The following FRMD5 variants were observed in gnomAD, a reference collection of about 807,000 sequenced individuals.
FRMD5 encodes the protein FERM domain-containing protein 5.
FRMD5 carries 20 observed loss-of-function variants against 69.0 expected under a neutral mutation model. That is an observed-to-expected ratio of 0.29 (90% CI 0.20 to 0.42). FRMD5 has a LOEUF of 0.42. Ranked by LOEUF, FRMD5 falls within the 10% of genes least tolerant of loss-of-function variation. FRMD5 has a pLI of 1.00. For synonymous variants in FRMD5, 271 were observed against 260.1 expected, an observed-to-expected ratio of 1.04 and a Z score of -0.40; for missense variants, 595 against 708.6, an observed-to-expected ratio of 0.84 and a Z score of 1.82.
intron 10 of FRMD5, among the ~76,000 whole-genome samples, chr15:43,886,858 C>A (rs1209290167): frequency 1.3e-5 from 2 of 152,152 alleles, no homozygotes; most frequent in Non-Finnish European, 2.9e-5. Context: ...ACTTGACATA[C>A]CTGGGGATCT....
At chr15:44,163,226 C>T (rs189428643) in intron 1 of FRMD5, among the ~76,000 whole-genome samples, 231 of 152,270 alleles carry the variant, frequency 1.5e-3, no homozygotes, top group Non-Finnish European at 2.3e-3. Context: ...CATCTTTCAG[C>T]TCTTATATTA....
chr15:44,038,902 AC>A (rs1368489161), intron 1 of FRMD5, among the ~76,000 whole-genome samples: 2 of 151,980 alleles, frequency 1.3e-5, no homozygotes, highest in Non-Finnish European at 2.9e-5. Context: ...GGCAGGTCCC[AC>A]CCCCATAGAG....
chr15:44,029,536 A>T (rs1016496470), intron 1 of FRMD5, among the ~76,000 whole-genome samples: 8 of 152,372 alleles, frequency 5.3e-5, no homozygotes, highest in African/African-American at 1.9e-4. Flanking sequence ...AGTAAACAGA[A>T]CATAACAGGG....
chr15:44,043,253 C>T (rs1319019413), intron 1 of FRMD5, among the ~76,000 whole-genome samples: 2 of 151,958 alleles, frequency 1.3e-5, no homozygotes, highest in Admixed American at 6.6e-5. Context: ...AACTACAAAC[C>T]ACTGCTCAAG....
rs1402033747 is a variant in FRMD5 at position 44,042,518 on chromosome 15, G to A, written c.103-118209C>T. Among the ~76,000 whole-genome samples, 5 of 152,002 alleles carry A rather than the reference G, an allele frequency of 3.3e-5. No individual in the cohort carries two copies. In the South Asian group the frequency reaches 6.2e-4, roughly 19 times the overall value. ...CAATATCCCTGATGAACATCAATGC[G>A]AAAATCCTCAATAAAATACTGGCAA... On this transcript the variant is annotated intron_variant, in intron 1 of 13. Transcript: ENST00000417257.
chr15:44,107,720 C>T (rs2076739979), intron 1 of FRMD5, among the ~76,000 whole-genome samples: 1 of 152,160 alleles, frequency 6.6e-6, no homozygotes, highest in Admixed American at 6.5e-5. Flanking sequence ...GTTATTTTTA[C>T]ATGCTGAAAA....
At chr15:43,891,849 C>A in intron 8 of FRMD5, 132 bp downstream of exon 8, 1 of 703,964 alleles carries the variant, frequency 1.4e-6, no homozygotes. Context: ...CGTCAGTTAC[C>A]ACCATCAACG....
At chr15:44,129,270 A>G (rs2077066163) in intron 1 of FRMD5, among the ~76,000 whole-genome samples, 1 of 152,210 alleles carries the variant, frequency 6.6e-6, no homozygotes, top group Non-Finnish European at 1.5e-5. Context: ...TTTGTCTCTA[A>G]AGCCAAAACC....
chr15:44,138,651 A>G (rs1393312393), intron 1 of FRMD5, among the ~76,000 whole-genome samples: 2 of 152,240 alleles, frequency 1.3e-5, no homozygotes, highest in Non-Finnish European at 2.9e-5. Context: ...ATCATAGAAT[A>G]TACTTCAGAA....
intron 1 of FRMD5, 124 bp downstream of exon 1, chr15:44,194,829 G>C (rs2078258714): frequency 2.3e-6 from 2 of 868,918 alleles, no homozygotes; most frequent in African/African-American, 3.4e-5. Context: ...GCCGCAACCA[G>C]GAACGGACAA....
chr15:43,986,577 A>G lies in FRMD5; in HGVS notation c.103-62268T>C, dbSNP rs76161128. Among the ~76,000 whole-genome samples the G allele has an allele frequency of 2.3e-3, 352 of 152,342 alleles. 7 individuals are homozygous for G. In the East Asian group the frequency reaches 0.059, roughly 26 times the overall value. ...CTTGCAGATATTTCATGACACTGAA[A>G]GCACAAAGTGTAAAATATTGGAAGC... is the stretch of plus-strand genomic sequence containing the variant. On this transcript the variant is annotated intron_variant, in intron 1 of 13. Coordinates refer to ENST00000417257, the MANE Select transcript of FRMD5 (RefSeq NM_032892.5).
At chr15:43,957,936 G>C (rs2090140318) in intron 1 of FRMD5, among the ~76,000 whole-genome samples, 1 of 152,136 alleles carries the variant, frequency 6.6e-6, no homozygotes, top group African/African-American at 2.4e-5. Context: ...GAGACACTAT[G>C]CTTATGTCAT....
chr15:44,009,697 A>G (rs1239382647), intron 1 of FRMD5, among the ~76,000 whole-genome samples: 2 of 152,074 alleles, frequency 1.3e-5, no homozygotes, highest in Non-Finnish European at 2.9e-5. Context: ...ATCCACTTTT[A>G]TGGAGTTTTT....
chr15:43,943,258 A>AAAAAAGAGAC (rs1483727967), intron 1 of FRMD5, among the ~76,000 whole-genome samples: 2 of 152,050 alleles, frequency 1.3e-5, no homozygotes, highest in African/African-American at 2.4e-5. Flanking sequence ...AAAAGAAAAG[A>AAAAAAGAGAC]AAAAAGAGAC....
At chr15:44,049,833 C>T (rs1049790866) in intron 1 of FRMD5, among the ~76,000 whole-genome samples, 56 of 152,180 alleles carry the variant, frequency 3.7e-4, no homozygotes, top group African/African-American at 1.4e-3. Flanking sequence ...GAAACCTTCC[C>T]AGAGTTCTCC....
chr15:43,962,743 A>G (rs1203381392), intron 1 of FRMD5, among the ~76,000 whole-genome samples: 1 of 152,218 alleles, frequency 6.6e-6, no homozygotes, highest in Non-Finnish European at 1.5e-5. Flanking sequence ...GCCCTCAGAA[A>G]TAATGCCGCA....
intron 1 of FRMD5, among the ~76,000 whole-genome samples, chr15:44,042,964 A>G (rs928034735): frequency 2.6e-5 from 4 of 152,228 alleles, no homozygotes; most frequent in Non-Finnish European, 5.9e-5. Context: ...AGGGTATTCA[A>G]TTAGGAAAAG....
At chr15:44,134,299 C>T (rs1290331794) in intron 1 of FRMD5, among the ~76,000 whole-genome samples, 1 of 151,986 alleles carries the variant, frequency 6.6e-6, no homozygotes, top group Non-Finnish European at 1.5e-5. Context: ...AAAAGAATAT[C>T]TGGAAGGTGA....
intron 6 of FRMD5, among the ~76,000 whole-genome samples, chr15:43,904,963 C>G (rs1182468696): frequency 6.6e-6 from 1 of 151,970 alleles, no homozygotes; most frequent in African/African-American, 2.4e-5. Flanking sequence ...ATGGGGGGGG[C>G]CTGAGTCAGG....
Sources: allele counts gnomAD v4.1 joint callset (sites outside exome capture counted in the v4.1 genomes callset), GRCh38; gene constraint gnomAD v4.1.1; transcripts MANE v1.5; gene names NCBI Gene and HGNC (gene_info 2026-07-23, HGNC 2026-07-21).